The following ECT2L variants were observed in gnomAD, a reference collection of about 807,000 sequenced individuals.
The protein encoded by ECT2L is epithelial cell transforming 2 like, also known as epithelial cell-transforming sequence 2 oncogene-like.
In ECT2L, 126 loss-of-function variants were observed where a neutral mutation model predicts 122.8. The observed-to-expected ratio is 1.03, with a 90% CI of 0.89 to 1.19. The LOEUF is 1.19. ECT2L is among the 50% of genes most tolerant of loss of function. The pLI is 0.00. For missense variants in ECT2L, 1,012 were observed against 1,064.1 expected (o/e 0.95, Z 0.68); for synonymous variants, 385 against 381.8 (o/e 1.01, Z -0.10).
chr6:138,892,135 G>A (rs114920924), intron 20 of ECT2L, among the ~76,000 whole-genome samples: 1,584 of 152,132 alleles, frequency 0.01, 23 homozygotes, highest in African/African-American at 0.036. Flanking sequence ...GTCCCTACCC[G>A]ATACCCCTAC....
intron 2 of ECT2L, 80 bp from the exon 3 acceptor site, chr6:138,813,092 T>G: frequency 2.0e-6 from 1 of 506,848 alleles, no homozygotes; most frequent in South Asian, 3.7e-5. Flanking sequence ...ACATGAATTA[T>G]AATTCTATCT....
At chr6:138,851,520 C>CTAA (rs1777450969) in intron 9 of ECT2L, among the ~76,000 whole-genome samples, 1 of 141,246 alleles carries the variant, frequency 7.1e-6, no homozygotes, top group Non-Finnish European at 1.5e-5. Flanking sequence ...AGTAGCCATC[C>CTAA]TAATGGATGT....
At chr6:138,849,125 C>A in intron 8 of ECT2L, 144 bp from the exon 9 acceptor site, 1 of 767,176 alleles carries the variant, frequency 1.3e-6, no homozygotes, top group Non-Finnish European at 1.9e-6. Context: ...TTAATAGAAA[C>A]CAAGGAGGAA....
chr6:138,897,289 A>G (rs1327548180), intron 20 of ECT2L, among the ~76,000 whole-genome samples: 1 of 152,152 alleles, frequency 6.6e-6, no homozygotes, highest in African/African-American at 2.4e-5. Context: ...CAGGCCCCAC[A>G]CCCATGGGTT....
At chr6:138,832,184 GT>G (rs35891687) in intron 4 of ECT2L, among the ~76,000 whole-genome samples, 5,748 of 144,636 alleles carry the variant, frequency 0.04, 243 homozygotes, top group African/African-American at 0.11. Flanking sequence ...TCAAATGTCT[GT>G]TTTTTTTTTT....
chr6:138,873,109 A>T (rs1407078699), intron 13 of ECT2L, among the ~76,000 whole-genome samples: 1 of 152,194 alleles, frequency 6.6e-6, no homozygotes, highest in Non-Finnish European at 1.5e-5. Flanking sequence ...TTCATAAAAT[A>T]ATGCATGAAA....
At chr6:138,808,310 T>A (rs1775777496) in intron 1 of ECT2L, among the ~76,000 whole-genome samples, 1 of 152,172 alleles carries the variant, frequency 6.6e-6, no homozygotes, top group South Asian at 2.1e-4. Context: ...AGGGACAAGA[T>A]AACAGCTCAG....
intron 4 of ECT2L, chr6:138,822,618 G>A (rs1230895986): frequency 4.3e-6 from 3 of 704,968 alleles, no homozygotes; most frequent in Non-Finnish European, 7.0e-6. Context: ...GACTGGGTCA[G>A]CAAGAATAAA....
chr6:138,856,503 A>G (rs957162656), intron 10 of ECT2L, among the ~76,000 whole-genome samples: 6 of 152,086 alleles, frequency 3.9e-5, no homozygotes, highest in East Asian at 3.9e-4. Context: ...ATGAGCCACC[A>G]CACCTGGCCC....
chr6:138,802,671 A>G (rs1237555162), intron 1 of ECT2L, among the ~76,000 whole-genome samples: 6 of 152,240 alleles, frequency 3.9e-5, no homozygotes, highest in Non-Finnish European at 8.8e-5. Flanking sequence ...GAGGAATGTA[A>G]AAAGCTAGAA....
At position 138,871,555 on chromosome 6, in the gene ECT2L, C is replaced by CA. The variant is rs35373945; in HGVS notation, c.1578+3350dup. The stretch of plus-strand genomic sequence containing the variant: ...GCGCAGTGGCTCACGTCTGTAATCC[C>CA]AGCCCTTTGGGAGGCAGAGGTGGGT... On this transcript the variant is annotated intron_variant, in intron 13 of 21. Coordinates refer to ENST00000541398, the MANE Select transcript of ECT2L (RefSeq NM_001077706.3). Among the ~76,000 whole-genome samples the CA allele has an allele frequency of 1.6e-3, 241 of 152,264 alleles. 1 individual carries two copies. Among genetic ancestry groups the CA allele is most frequent in the African/African-American group, 5.5e-3 (229 of 41,540 alleles).
intron 10 of ECT2L, among the ~76,000 whole-genome samples, chr6:138,860,303 CTG>C (rs945713854): frequency 6.6e-6 from 1 of 151,888 alleles, no homozygotes; most frequent in South Asian, 2.1e-4. Context: ...ATCCACTTGA[CTG>C]TTTTTTTAAT....
Position 138,902,630 on chromosome 6 carries a change from C to T in ECT2L, c.*3C>T, listed in dbSNP as rs1433329799. On this transcript the variant is annotated 3_prime_UTR_variant, in exon 22 of 22. Coordinates refer to ENST00000541398, the MANE Select transcript of ECT2L (RefSeq NM_001077706.3). ...TCAAAAGCAGTATGGAGAAGTGAGA[C>T]CGAACTTGAAAACTTCAGGGGTGCC... The T allele has an allele frequency of 1.2e-6, 2 of 1,613,144 alleles. No individual in the cohort carries two copies. Among genetic ancestry groups the T allele is most frequent in the African/African-American group, 2.7e-5 (2 of 74,888 alleles).
chr6:138,849,571 AGC>A, intron 9 of ECT2L, 137 bp downstream of exon 9: 1 of 851,526 alleles, frequency 1.2e-6, no homozygotes, highest in Non-Finnish European at 1.7e-6. Flanking sequence ...AAAAAAGCGA[AGC>A]TTTTTTTTTT....
intron 3 of ECT2L, among the ~76,000 whole-genome samples, 180 bp downstream of exon 3, chr6:138,813,520 C>T (rs769471315): frequency 6.6e-6 from 1 of 152,234 alleles, no homozygotes; most frequent in Non-Finnish European, 1.5e-5. Flanking sequence ...CCCCAGTTCT[C>T]ATCTCCTACC....
In ECT2L at chr6:138,880,968, CCAGAAGGACTCAG is replaced by C; in HGVS notation, c.1683_1695del (p.Asp562SerfsTer23). 6.2e-7 allele frequency: 1 copy of C among 1,613,770 alleles called. No individual in the cohort carries two copies. The highest frequency in any genetic ancestry group is 8.5e-7 in the Non-Finnish European group (1 of 1,179,814). ...ACACTTCTCTACAGGAGAGAATACTCCAGAAGGACTCAGCAGAAAAGCGAGCTAGAGTTGTCAG... is the reference window on the plus strand; with the variant it reads ...ACACTTCTCTACAGGAGAGAATACTCCAGAAAAGCGAGCTAGAGTTGTCAG... On this transcript the variant is annotated frameshift_variant, in exon 15 of 22. Transcript: ENST00000541398. LOFTEE classifies it high-confidence loss of function.
At chr6:138,832,184 G>GTTT (rs35891687) in intron 4 of ECT2L, among the ~76,000 whole-genome samples, 60 of 144,650 alleles carry the variant, frequency 4.1e-4, no homozygotes, top group Admixed American at 7.6e-4. Context: ...TCAAATGTCT[G>GTTT]TTTTTTTTTT....
In ECT2L at chr6:138,846,577, C is replaced by G. The variant is rs772506336; in HGVS notation, c.803C>G (p.Ser268Ter). ...ISGSHSYPLL[S>*]KKNWHGVHKN... ...GGAAGCCATTCCTACCCTTTATTATCAAAGAAAAATTGGCATGGAGTTCAT... is the reference window on the plus strand; with the variant it reads ...GGAAGCCATTCCTACCCTTTATTATGAAAGAAAAATTGGCATGGAGTTCAT... Residue 268 changes from serine (S) to a stop codon, truncating the protein, a stop_gained, in exon 8 of 22, where the codon TCA becomes TGA. Coordinates refer to ENST00000541398, the MANE Select transcript of ECT2L (RefSeq NM_001077706.3). LOFTEE classifies it high-confidence loss of function. The G allele has an allele frequency of 6.2e-7, 1 of 1,607,630 alleles. No homozygotes were observed. Among genetic ancestry groups the G allele is most frequent in the Admixed American group, 1.7e-5 (1 of 58,298 alleles).
chr6:138,880,346 G>C (rs1351041270), intron 14 of ECT2L, among the ~76,000 whole-genome samples: 1 of 152,142 alleles, frequency 6.6e-6, no homozygotes, highest in Non-Finnish European at 1.5e-5. Flanking sequence ...CCTCTGCCAA[G>C]CCCCTTTCTA....
Sources: gnomAD v4.1 joint callset for allele counts (sites outside exome capture counted in the v4.1 genomes callset) on GRCh38, gnomAD v4.1.1 for gene constraint, MANE v1.5 for transcripts, NCBI Gene and HGNC (gene_info 2026-07-23, HGNC 2026-07-21) for gene names.